Variants in ANAPC1 observed in about 807,000 individuals in gnomAD.
ANAPC1 encodes the protein anaphase-promoting complex subunit 1.
Under a neutral mutation model 208.0 loss-of-function variants are expected in ANAPC1, and 36 were observed. The ratio of observed to expected loss-of-function variants is 0.17; its 90% CI spans 0.13 to 0.23. The LOEUF (loss-of-function observed/expected upper bound fraction) is 0.23. Ranked by LOEUF, ANAPC1 falls within the 10% of genes least tolerant of loss-of-function variation. ANAPC1 has a pLI of 1.00. For synonymous variants in ANAPC1, 378 were observed against 695.2 expected (o/e 0.54, Z 7.18); for missense variants, 942 against 2,011.6 (o/e 0.47, Z 10.17).
chr2:111,791,401 G>T (rs973103536), intron 38 of ANAPC1, among the ~76,000 whole-genome samples: 2 of 148,900 alleles, frequency 1.3e-5, no homozygotes, highest in African/African-American at 5.0e-5. Context: ...GAATACACAC[G>T]TACAACCTAT....
intron 46 of ANAPC1, among the ~76,000 whole-genome samples, chr2:111,775,325 G>C (rs1676949054): frequency 6.6e-6 from 1 of 152,176 alleles, no homozygotes; most frequent in Admixed American, 6.5e-5. Flanking sequence ...TTTCAGATTA[G>C]TGTAGTGATT....
At chr2:111,839,094 C>G (rs1680626583) in intron 17 of ANAPC1, among the ~76,000 whole-genome samples, 1 of 152,166 alleles carries the variant, frequency 6.6e-6, no homozygotes, top group Non-Finnish European at 1.5e-5. Flanking sequence ...TCACTGTCAT[C>G]ACTTCCAGGA....
chr2:111,778,440 A>T (rs1677101021), intron 45 of ANAPC1, among the ~76,000 whole-genome samples: 1 of 147,218 alleles, frequency 6.8e-6, no homozygotes, highest in Non-Finnish European at 1.5e-5. Context: ...AAAAGGGAGG[A>T]ATGGGAACCC....
chr2:111,799,188 C>T (rs1678316488), intron 34 of ANAPC1, among the ~76,000 whole-genome samples: 1 of 152,118 alleles, frequency 6.6e-6, no homozygotes. Flanking sequence ...GACCAATAAA[C>T]CAATGAAAAA....
chr2:111,772,307 A>C (rs1558654105), intron 47 of ANAPC1, 34 bp downstream of exon 47: 1 of 1,613,884 alleles, frequency 6.2e-7, no homozygotes, highest in East Asian at 2.2e-5. Context: ...TAGGTAACAG[A>C]GTTACTGAAG....
chr2:111,882,738 A>C (rs1205494283), intron 1 of ANAPC1, among the ~76,000 whole-genome samples: 5 of 129,264 alleles, frequency 3.9e-5, no homozygotes, highest in African/African-American at 1.0e-4. Context: ...ACTCCGTCTC[A>C]AAAAAAAAAA....
At chr2:111,787,522 C>A (rs1359221070) in intron 39 of ANAPC1, among the ~76,000 whole-genome samples, 1 of 152,122 alleles carries the variant, frequency 6.6e-6, no homozygotes, top group African/African-American at 2.4e-5. Flanking sequence ...GGGCTCTTGA[C>A]CTGTCTCTGG....
intron 16 of ANAPC1, among the ~76,000 whole-genome samples, chr2:111,846,395 ATATT>A (rs70962956): frequency 0.5 from 70,964 of 140,806 alleles, 14,784 homozygotes; most frequent in Middle Eastern, 0.6. Context: ...GAAAATTGAG[ATATT>A]TATTTTAAAA....
intron 13 of ANAPC1, among the ~76,000 whole-genome samples, chr2:111,855,574 T>C (rs1681657396): frequency 6.6e-6 from 1 of 152,174 alleles, no homozygotes; most frequent in Non-Finnish European, 1.5e-5. Context: ...CTAAAACAAA[T>C]ATAATGTTGA....
chr2:111,842,447 T>C (rs1216439016), intron 17 of ANAPC1, among the ~76,000 whole-genome samples: 1 of 151,868 alleles, frequency 6.6e-6, no homozygotes, highest in African/African-American at 2.4e-5. Flanking sequence ...ATCAAGACCA[T>C]CCTGGCTAAC....
intron 39 of ANAPC1, among the ~76,000 whole-genome samples, chr2:111,786,697 CA>C (rs556240529): frequency 2.0e-3 from 128 of 63,668 alleles, no homozygotes; most frequent in Non-Finnish European, 2.4e-3. Context: ...GACTCTGTCT[CA>C]AAAAAAAAAA....
Position 111,856,420 on chromosome 2 carries a change from G to C in ANAPC1, c.1515+194C>G, listed in dbSNP as rs143997448. Reference sequence around the variant, plus strand: ...TAGAGTACCAATGCATTTAACAGCAGTGAGCCATAGCCCTCCAAATTAGGA... The same window carrying C: ...TAGAGTACCAATGCATTTAACAGCACTGAGCCATAGCCCTCCAAATTAGGA... On this transcript the variant is annotated intron_variant, in intron 13 of 47. Coordinates refer to ENST00000341068, the MANE Select transcript of ANAPC1 (RefSeq NM_022662.4). 707 of 589,990 alleles carry C rather than the reference G, an allele frequency of 1.2e-3. 13 individuals carry two copies. In the East Asian group the frequency reaches 0.016, roughly 13 times the overall value. The allele number at this position is 589,990 out of a possible 1,614,324, so 36.5% of individuals were successfully genotyped here. A position where few individuals can be genotyped will look rare whatever the true frequency, so the allele number is the denominator to read the frequency against.
intron 37 of ANAPC1, among the ~76,000 whole-genome samples, chr2:111,793,107 G>C (rs1235604003): frequency 2.0e-5 from 3 of 152,170 alleles, no homozygotes; most frequent in Non-Finnish European, 4.4e-5. Flanking sequence ...CTTTTTCTCT[G>C]AATTTTTCCT....
intron 47 of ANAPC1, among the ~76,000 whole-genome samples, chr2:111,771,823 T>G (rs1676754382): frequency 6.6e-6 from 1 of 151,848 alleles, no homozygotes; most frequent in Non-Finnish European, 1.5e-5. Flanking sequence ...TGCTTAGAAT[T>G]CATCATATCT....
intron 21 of ANAPC1, among the ~76,000 whole-genome samples, chr2:111,826,082 C>G (rs1679816255): frequency 6.6e-6 from 1 of 152,132 alleles, no homozygotes. Flanking sequence ...AAGACGGAGT[C>G]TCGCTGTGTT....
chr2:111,864,677 G>C (rs1008593147), intron 8 of ANAPC1, 129 bp downstream of exon 8: 16 of 1,478,346 alleles, frequency 1.1e-5, no homozygotes, highest in Admixed American at 8.0e-5. Context: ...GGCCAGGCTG[G>C]TCTTGAACGT....
intron 13 of ANAPC1, 44 bp from the exon 14 acceptor site, chr2:111,850,954 A>G: frequency 1.3e-6 from 2 of 1,580,186 alleles, no homozygotes; most frequent in Non-Finnish European, 1.7e-6. Flanking sequence ...ATTGCCTTTA[A>G]TGCATCATAT....
chr2:111,884,036 CACAGTG>C lies in ANAPC1; in HGVS notation c.-125_-120del, dbSNP rs1683478948. 6.6e-6 allele frequency: 1 copy of C among 152,408 alleles called. No homozygotes were observed. The highest frequency in any genetic ancestry group is 1.5e-5 in the Non-Finnish European group (1 of 68,186). 9.4% of individuals were successfully genotyped at this position (152,408 alleles called of 1,614,324 possible). ...GCCCGAGGGCAGCGGCGGGGTCCTT[CACAGTG>C]ACTCTTGGGCCGCAGCAGCTTCTCA... On this transcript the variant is annotated 5_prime_UTR_variant, in exon 1 of 48. Coordinates refer to ENST00000341068, the MANE Select transcript of ANAPC1 (RefSeq NM_022662.4).
intron 28 of ANAPC1, 134 bp from the exon 29 acceptor site, chr2:111,809,315 GCTCT>G: frequency 1.5e-6 from 1 of 649,204 alleles, no homozygotes; most frequent in Non-Finnish European, 2.6e-6. Flanking sequence ...CATGGTCCTT[GCTCT>G]CATGGACCTA....
Sources: gnomAD v4.1 joint callset for allele counts (sites outside exome capture counted in the v4.1 genomes callset) on GRCh38, gnomAD v4.1.1 for gene constraint, MANE v1.5 for transcripts, NCBI Gene and HGNC (gene_info 2026-07-23, HGNC 2026-07-21) for gene names.